Variants in SOS1 observed in about 807,000 individuals in gnomAD.
SOS1 encodes the protein son of sevenless homolog 1.
SOS1 carries 25 observed loss-of-function variants against 157.6 expected under a neutral mutation model. That is an observed-to-expected ratio of 0.16 (90% CI 0.12 to 0.22). The LOEUF is 0.22. Ranked by LOEUF, SOS1 falls within the 10% of genes least tolerant of loss-of-function variation. The pLI is 1.00. For missense variants in SOS1, 1,237 were observed against 1,599.1 expected, an observed-to-expected ratio of 0.77 and a Z score of 3.86; for synonymous variants, 528 against 534.0, an observed-to-expected ratio of 0.99 and a Z score of 0.16.
intron 1 of SOS1, among the ~76,000 whole-genome samples, chr2:39,093,034 T>C (rs1672646042): frequency 6.6e-6 from 1 of 152,244 alleles, no homozygotes; most frequent in Admixed American, 6.5e-5. Context: ...GTTAAGCATA[T>C]ACAAAGATGT....
chr2:39,118,047 T>C (rs964405708), intron 1 of SOS1, among the ~76,000 whole-genome samples: 1 of 152,202 alleles, frequency 6.6e-6, no homozygotes, highest in African/African-American at 2.4e-5. Context: ...ATCATCCCTG[T>C]TCTCAAGGAG....
chr2:39,020,074 C>T lies in SOS1; in HGVS notation c.1858+2496G>A, dbSNP rs77976870. ...TCAATGTAACATGGTAGAAAATATA[C>T]TCTATTTAGAGTCAAGAAACCTAAT... On this transcript the variant is annotated intron_variant, in intron 10 of 22. Coordinates refer to ENST00000402219, the MANE Select transcript of SOS1 (RefSeq NM_005633.4). Among the ~76,000 whole-genome samples, 691 of 151,588 alleles carry T rather than the reference C, an allele frequency of 4.6e-3. 7 individuals carry two copies. Among genetic ancestry groups the T allele is most frequent in the African/African-American group, 0.016 (668 of 41,454 alleles).
At chr2:39,082,840 T>C (rs1672254382) in intron 1 of SOS1, 1 of 152,204 alleles carries the variant, frequency 6.6e-6, no homozygotes, top group African/African-American at 2.4e-5. Context: ...GAATTGTACT[T>C]TGGGGCATAC....
intron 1 of SOS1, among the ~76,000 whole-genome samples, chr2:39,105,480 G>T (rs1490289094): frequency 1.3e-5 from 2 of 151,912 alleles, no homozygotes; most frequent in Non-Finnish European, 2.9e-5. Flanking sequence ...AACTCATATG[G>T]ACAGATTACA....
intron 1 of SOS1, among the ~76,000 whole-genome samples, chr2:39,119,181 T>C (rs755035341): frequency 6.6e-5 from 10 of 152,274 alleles, no homozygotes; most frequent in Non-Finnish European, 1.3e-4. Context: ...GTATGTAAGA[T>C]ATATGGCATC....
chr2:39,104,975 T>A (rs1404143717), intron 1 of SOS1, among the ~76,000 whole-genome samples: 1 of 152,198 alleles, frequency 6.6e-6, no homozygotes. Flanking sequence ...CAATTGTACA[T>A]TTCAAGTGGT....
Position 39,101,858 on chromosome 2 carries a change from T to C in SOS1, c.87+18478A>G, listed in dbSNP as rs368257157. On this transcript the variant is annotated intron_variant, in intron 1 of 22. Coordinates refer to ENST00000402219, the MANE Select transcript of SOS1 (RefSeq NM_005633.4). ...ACTGCTTGAGCAAAAGAAAAAATCA[T>C]TTTTTATGACCTGCCTATGTATTGA... 8.5e-5 allele frequency among the ~76,000 whole-genome samples: 13 copies of C among 152,236 alleles called. No individual in the cohort carries two copies. In the South Asian group the frequency reaches 2.7e-3, roughly 32 times the overall value.
At chr2:39,087,854 A>T (rs1017893798) in intron 1 of SOS1, among the ~76,000 whole-genome samples, 3 of 151,696 alleles carry the variant, frequency 2.0e-5, no homozygotes, top group Admixed American at 6.6e-5. Context: ...AATTTTTAAA[A>T]TTTTTTTAGA....
At chr2:39,061,627 A>C (rs1671408718) in intron 2 of SOS1, among the ~76,000 whole-genome samples, 1 of 152,082 alleles carries the variant, frequency 6.6e-6, no homozygotes, top group Non-Finnish European at 1.5e-5. Flanking sequence ...GCTCAAAGTG[A>C]TCCTTCTGCC....
rs111576630 is a variant in SOS1, at chr2:39,013,823, A to G, written c.2063+44T>C. On this transcript the variant is annotated intron_variant, in intron 12 of 22. Transcript: ENST00000402219. ...CCTTATATACTTCAACATTGAAACG[A>G]AAGTTTGATAAAGACTTATTTACTT... 1.4e-3 allele frequency: 2,185 copies of G among 1,571,888 alleles called. 29 individuals are homozygous for G. The South Asian group carries it at 0.017, about 12-fold the overall frequency.
chr2:39,054,351 C>CAA (rs1482384721), intron 5 of SOS1, among the ~76,000 whole-genome samples: 1 of 152,200 alleles, frequency 6.6e-6, no homozygotes, highest in African/African-American at 2.4e-5. Flanking sequence ...TCCACCTAAA[C>CAA]AAGAAGCTTT....
In SOS1 at chr2:39,120,456, G is replaced by C. The variant is rs570650634; in HGVS notation, c.-34C>G. On this transcript the variant is annotated 5_prime_UTR_variant, in exon 1 of 23. Coordinates refer to ENST00000402219, the MANE Select transcript of SOS1 (RefSeq NM_005633.4). ...CGGGGCGCCTCTGGGCGGGGAGAGG[G>C]GCGGCGGCGGCCGGGCCAGGGAGCC... The C allele has an allele frequency of 1.3e-6, 2 of 1,538,580 alleles. No homozygotes were observed. Among genetic ancestry groups the C allele is most frequent in the South Asian group, 2.4e-5 (2 of 84,484 alleles).
At chr2:39,027,468 TAATA>T (rs1159844730) in intron 8 of SOS1, among the ~76,000 whole-genome samples, 1 of 152,246 alleles carries the variant, frequency 6.6e-6, no homozygotes, top group Non-Finnish European at 1.5e-5. Context: ...AATTTCAGTG[TAATA>T]AATGACCTTT....
intron 1 of SOS1, among the ~76,000 whole-genome samples, chr2:39,068,545 C>T (rs913064599): frequency 6.6e-6 from 1 of 152,150 alleles, no homozygotes; most frequent in African/African-American, 2.4e-5. Flanking sequence ...TGTGCAGGCA[C>T]GCATATTACA....
intron 17 of SOS1, among the ~76,000 whole-genome samples, chr2:38,997,934 C>T (rs1486440562): frequency 6.6e-6 from 1 of 152,116 alleles, no homozygotes; most frequent in South Asian, 2.1e-4. Flanking sequence ...TCAGCTCTGA[C>T]GGCCACACAA....
chr2:39,035,405 T>G lies in SOS1; in HGVS notation c.960A>C (p.Ala320=). The part of the protein sequence containing the change: ...RFLSQLSKPG[A]ALYLQSIGEG... The stretch of plus-strand genomic sequence containing the variant: ...ATTACTATACCTGCAAATAAAGTGC[T>G]GCCCCAGGCTTTGATAACTGACTAA... Residue 320 remains alanine (A), a synonymous_variant, in exon 7 of 23, where the codon GCA becomes GCC. Coordinates refer to ENST00000402219, the MANE Select transcript of SOS1 (RefSeq NM_005633.4). 1 of 1,612,962 alleles carries G rather than the reference T, an allele frequency of 6.2e-7. No individual in the cohort carries two copies. Among genetic ancestry groups the G allele is most frequent in the Non-Finnish European group, 8.5e-7 (1 of 1,178,932 alleles).
chr2:39,016,645 C>T (rs564511818), intron 10 of SOS1, among the ~76,000 whole-genome samples: 1 of 152,188 alleles, frequency 6.6e-6, no homozygotes, highest in East Asian at 1.9e-4. Context: ...CTGGAGAGAG[C>T]CCATACCCGC....
intron 21 of SOS1, among the ~76,000 whole-genome samples, chr2:38,988,964 T>G (rs1668635138): frequency 7.6e-6 from 1 of 131,324 alleles, no homozygotes; most frequent in Non-Finnish European, 1.6e-5. Context: ...TTTTTCAAAG[T>G]TGAGCATTAA....
chr2:39,036,254 G>C (rs1339324865), intron 6 of SOS1, among the ~76,000 whole-genome samples: 18 of 152,148 alleles, frequency 1.2e-4, no homozygotes, highest in Admixed American at 1.2e-3. Flanking sequence ...AGAGGAATAG[G>C]ACATCTAGTG....
Sources: gnomAD v4.1 joint callset for allele counts (sites outside exome capture counted in the v4.1 genomes callset) on GRCh38, gnomAD v4.1.1 for gene constraint, MANE v1.5 for transcripts, NCBI Gene and HGNC (gene_info 2026-07-23, HGNC 2026-07-21) for gene names.